DCBLD1: variants seen among roughly 807,000 people sequenced by gnomAD.
DCBLD1 encodes the protein discoidin, CUB and LCCL domain containing 1, also known as discoidin, CUB and LCCL domain-containing protein 1.
A neutral mutation model predicts 71.5 loss-of-function variants in DCBLD1; 57 were observed. That is an observed-to-expected ratio of 0.80 (90% confidence interval 0.64 to 0.99). The LOEUF (loss-of-function observed/expected upper bound fraction) is 0.99, where lower values mean the gene tolerates loss of function less well. Ranked by LOEUF, DCBLD1 falls within the 50% of genes least tolerant of loss-of-function variation. The pLI, the probability that DCBLD1 is intolerant of heterozygous loss-of-function variation, is 0.00. For synonymous variants in DCBLD1, 380 were observed against 363.8 expected (o/e 1.04, Z -0.51); for missense variants, 891 against 923.5 (o/e 0.96, Z 0.46).
At position 117,548,073 on chromosome 6, in the gene DCBLD1, GCCC is replaced by G; in HGVS notation, c.1785_1787del (p.Pro596del). The G allele has an allele frequency of 6.5e-7, 1 of 1,548,678 alleles. No individual in the cohort carries two copies. The highest frequency in any genetic ancestry group is 8.7e-7 in the Non-Finnish European group (1 of 1,145,920). ...GCCACGAGTACGCGCTGCCCCTGGC[GCCC>G]CCGGAGCCCGAGTACGCCACGCCCA... On this transcript the variant is annotated inframe_deletion, in exon 15 of 15. Coordinates refer to ENST00000338728, the MANE Select transcript of DCBLD1 (RefSeq NM_001366458.2).
chr6:117,488,667 A>G (rs976765158), intron 1 of DCBLD1, among the ~76,000 whole-genome samples: 3 of 152,068 alleles, frequency 2.0e-5, no homozygotes, highest in Admixed American at 6.6e-5. Flanking sequence ...ACTAAATTCA[A>G]CTCTGAAAAG....
At chr6:117,505,675 A>G (rs1014065171) in intron 2 of DCBLD1, among the ~76,000 whole-genome samples, 1 of 152,212 alleles carries the variant, frequency 6.6e-6, no homozygotes, top group Non-Finnish European at 1.5e-5. Flanking sequence ...ATATACACAA[A>G]GGCAGAAAAG....
chr6:117,524,632 G>A (rs969210877), intron 4 of DCBLD1, among the ~76,000 whole-genome samples: 2 of 152,178 alleles, frequency 1.3e-5, no homozygotes, highest in Admixed American at 1.3e-4. Context: ...GAACTGTGGT[G>A]AGTGCAAATT....
chr6:117,537,491 GC>G (rs1433374250), intron 7 of DCBLD1, among the ~76,000 whole-genome samples: 1 of 148,574 alleles, frequency 6.7e-6, no homozygotes, highest in African/African-American at 2.5e-5. Flanking sequence ...CTGAGATTGC[GC>G]CACTGCACTC....
intron 8 of DCBLD1, 32 bp downstream of exon 8, chr6:117,538,867 G>T (rs759668097): frequency 6.3e-7 from 1 of 1,586,412 alleles, no homozygotes. Flanking sequence ...CCAAGTGCAG[G>T]AGTAGTTTCA....
rs768152858 is a variant in DCBLD1, at chr6:117,532,289, T to G, written c.615T>G (p.His205Gln). Residue 205 changes from histidine (H) to glutamine (Q), a missense_variant, in exon 6 of 15, where the codon CAT becomes CAG. His to Gln is a conservative substitution (Grantham distance 24). Transcript: ENST00000338728. ...CTTTATTGTGCAAAGCTGCCATCCATGCAGGAATAATTGCTGATGAACTAG... is the reference window on the plus strand; with the variant it reads ...CTTTATTGTGCAAAGCTGCCATCCAGGCAGGAATAATTGCTGATGAACTAG... ...DTSLLCKAAI[H>Q]AGIIADELGG... 32 of 1,613,234 alleles carry G rather than the reference T, an allele frequency of 2.0e-5. 1 individual carries two copies. In the South Asian group the frequency reaches 3.5e-4, roughly 18 times the overall value.
At chr6:117,491,418 G>A (rs1162187607) in intron 1 of DCBLD1, among the ~76,000 whole-genome samples, 1 of 152,126 alleles carries the variant, frequency 6.6e-6, no homozygotes, top group East Asian at 1.9e-4. Context: ...CAGAAAAATG[G>A]CCCTGTACCT....
At chr6:117,523,170 T>C (rs1778439092) in intron 4 of DCBLD1, among the ~76,000 whole-genome samples, 1 of 152,180 alleles carries the variant, frequency 6.6e-6, no homozygotes, top group Non-Finnish European at 1.5e-5. Context: ...CCTGTTCTCC[T>C]AAAGAAAGGG....
chr6:117,569,601 T>C lies in DCBLD1; in HGVS notation c.1616-19T>C, dbSNP rs773460282. ...TGAGAAAGAATAGTTACAGCTTCTT[T>C]ATGCTTTGTGTCCCTTAGGTTAACT... On this transcript the variant is annotated intron_variant, in intron 14 of 14. Transcript: ENST00000296955. 4.3e-6 allele frequency: 7 copies of C among 1,613,118 alleles called. No individual in the cohort carries two copies. The highest frequency in any genetic ancestry group is 4.0e-5 in the African/African-American group (3 of 74,866).
intron 3 of DCBLD1, among the ~76,000 whole-genome samples, 186 bp from the exon 4 acceptor site, chr6:117,521,334 AGAAAC>A (rs958518435): frequency 1.3e-5 from 2 of 152,246 alleles, no homozygotes; most frequent in Non-Finnish European, 2.9e-5. Context: ...GGCAGAAAAA[AGAAAC>A]GAAAGGAACT....
chr6:117,484,167 TA>T (rs1407179385), intron 1 of DCBLD1, among the ~76,000 whole-genome samples: 1 of 152,214 alleles, frequency 6.6e-6, no homozygotes, highest in Non-Finnish European at 1.5e-5. Context: ...CCTTTAATAC[TA>T]TACGTCTGTG....
chr6:117,484,447 C>T (rs562187367), intron 1 of DCBLD1, among the ~76,000 whole-genome samples: 15 of 152,314 alleles, frequency 9.8e-5, no homozygotes, highest in African/African-American at 3.6e-4. Flanking sequence ...CTCCTGGGCT[C>T]AAGCAATCCT....
At chr6:117,536,485 G>A (rs1296087906) in intron 6 of DCBLD1, among the ~76,000 whole-genome samples, 1 of 152,220 alleles carries the variant, frequency 6.6e-6, no homozygotes, top group African/African-American at 2.4e-5. Flanking sequence ...TGCAGAATGA[G>A]GCTGATGCAA....
Position 117,548,168 on chromosome 6 carries a change from C to T in DCBLD1, c.1877C>T (p.Pro626Leu), listed in dbSNP as rs2114577769. Residue 626 changes from proline to leucine, a missense_variant, in exon 15 of 15, where the codon CCC (proline) becomes CTC (leucine). Physicochemically the swap from Pro to Leu is moderately conservative, Grantham distance 98 (BLOSUM62 -3). Coordinates refer to ENST00000338728, the MANE Select transcript of DCBLD1 (RefSeq NM_001366458.2). ...CAGAGCGGCTACCGCGTCCCAGGGCCCCAGCCCGGCCACAAACACTCCCTC... is the reference window on the plus strand; with the variant it reads ...CAGAGCGGCTACCGCGTCCCAGGGCTCCAGCCCGGCCACAAACACTCCCTC... ...SAQSGYRVPG[P>L]QPGHKHSLSS... is the part of the protein sequence containing the mutation. 1.3e-6 allele frequency: 2 copies of T among 1,550,268 alleles called. No homozygotes were observed. The highest frequency in any genetic ancestry group is 1.2e-5 in the South Asian group (1 of 84,028).
At chr6:117,563,010 T>A in intron 14 of DCBLD1, 3 of 461,032 alleles carry the variant, frequency 6.5e-6, no homozygotes, top group South Asian at 5.6e-5. Flanking sequence ...GGGAAACACA[T>A]GCTTTGGTGC....
chr6:117,549,946 G>C (rs763540857), downstream of DCBLD1: 18 of 803,534 alleles, frequency 2.2e-5, no homozygotes, highest in Non-Finnish European at 2.7e-5. Context: ...CAGAAGAGAA[G>C]TCTGGCTGCT....
chr6:117,546,582 T>C lies in DCBLD1; in HGVS notation c.1615+985T>C, dbSNP rs115115587. ...CATGAAGGGAGAACCTAATTTCTGT[T>C]GTCTTATGCCTTTCATTCTCCTTCA... is the stretch of plus-strand genomic sequence containing the variant. On this transcript the variant is annotated intron_variant, in intron 14 of 14. Transcript: ENST00000338728. Among the ~76,000 whole-genome samples, 395 of 152,302 alleles carry C rather than the reference T, an allele frequency of 2.6e-3. 1 individual carries two copies. Among genetic ancestry groups the C allele is most frequent in the African/African-American group, 9.1e-3 (377 of 41,562 alleles).
chr6:117,484,932 C>G (rs1230828503), intron 1 of DCBLD1: 1 of 152,076 alleles, frequency 6.6e-6, no homozygotes, highest in Non-Finnish European at 1.5e-5. Flanking sequence ...AAGTGTCCAC[C>G]CCTCCCGTTG....
chr6:117,560,744 TA>T (rs1307395795), intron 14 of DCBLD1: 1 of 205,106 alleles, frequency 4.9e-6, no homozygotes, highest in African/African-American at 2.3e-5. Flanking sequence ...TAAGTGTAAA[TA>T]TATACACGCA....
Sources: allele counts gnomAD v4.1 joint callset (sites outside exome capture counted in the v4.1 genomes callset), GRCh38; gene constraint gnomAD v4.1.1; transcripts MANE v1.5; gene names NCBI Gene and HGNC (gene_info 2026-07-23, HGNC 2026-07-21).